The following ZBTB11 variants were observed in gnomAD, a reference collection of about 807,000 sequenced individuals.
The protein encoded by ZBTB11 is zinc finger and BTB domain containing 11.
ZBTB11 carries 68 observed loss-of-function variants against 113.1 expected under a neutral mutation model. The observed-to-expected ratio is 0.60, with a 90% CI of 0.49 to 0.74. The LOEUF is 0.74. Ranked by LOEUF, ZBTB11 falls within the 30% of genes least tolerant of loss-of-function variation. ZBTB11 has a pLI of 0.00. For synonymous variants in ZBTB11, 518 were observed against 452.6 expected (o/e 1.14, Z -1.83); for missense variants, 1,104 against 1,279.4 (o/e 0.86, Z 2.09).
chr3:101,652,890 G>A lies in ZBTB11; in HGVS notation c.2358C>T (p.Asn786=). The A allele has an allele frequency of 6.2e-7, 1 of 1,613,728 alleles. No homozygotes were observed. The part of the protein sequence containing the change: ...FEARDLRQHM[N]KHLGVKPFQC... ...GGAATGGCTTCACACCAAGATGTTT[G>A]TTCATGTGCTGGCGAAGATCTCTAG... The change falls in exon 9 of 11, where the codon AAC becomes AAT. Residue 786 remains asparagine, a synonymous_variant. Transcript: ENST00000312938.
intron 8 of ZBTB11, among the ~76,000 whole-genome samples, chr3:101,654,015 C>T (rs1936750948): frequency 6.6e-6 from 1 of 152,100 alleles, no homozygotes; most frequent in Non-Finnish European, 1.5e-5. Flanking sequence ...GCATGAGCCA[C>T]TGCGCCCACA....
chr3:101,670,879 A>C lies in ZBTB11; in HGVS notation c.778+251T>G, dbSNP rs1463899740. 7.2e-6 allele frequency: 3 copies of C among 415,946 alleles called. No homozygotes were observed. In the Admixed American group the frequency reaches 1.2e-4, roughly 16 times the overall value. 25.8% of individuals were successfully genotyped at this position (415,946 alleles called of 1,614,324 possible). ...GGATTTCACTCAAACTGTTTTTAAC[A>C]GTTTAAATCCTAGAAATTCTTTTTC... On this transcript the variant is annotated intron_variant, in intron 3 of 10. Transcript: ENST00000312938.
At position 101,662,344 on chromosome 3, in the gene ZBTB11, G is replaced by A. The variant is rs1170642907; in HGVS notation, c.1800+2194C>T. Among the ~76,000 whole-genome samples the A allele has an allele frequency of 1.1e-4, 16 of 152,234 alleles. No homozygotes were observed. The South Asian group carries it at 2.7e-3, about 26-fold the overall frequency. ...TGTGCCCTTTTAAAAACATAGTACC[G>A]CTGGGAGCAGTGGCTCATGCCTATA... On this transcript the variant is annotated intron_variant, in intron 5 of 10. Coordinates refer to ENST00000312938, the MANE Select transcript of ZBTB11 (RefSeq NM_014415.4).
chr3:101,658,077 C>A, intron 6 of ZBTB11, among the ~76,000 whole-genome samples: 1 of 152,088 alleles, frequency 6.6e-6, no homozygotes, highest in East Asian at 1.9e-4. Flanking sequence ...AAATATGAAA[C>A]CAGCCCAAAT....
At chr3:101,672,711 T>C (rs906283086) in intron 1 of ZBTB11, among the ~76,000 whole-genome samples, 11 of 152,346 alleles carry the variant, frequency 7.2e-5, no homozygotes, top group African/African-American at 2.6e-4. Context: ...ACCAAGACTC[T>C]GTCTCAAAAC....
At chr3:101,662,702 T>C (rs1471353421) in intron 5 of ZBTB11, among the ~76,000 whole-genome samples, 2 of 152,178 alleles carry the variant, frequency 1.3e-5, no homozygotes, top group African/African-American at 4.8e-5. Flanking sequence ...ATAAATCATA[T>C]GTTCTGAAGT....
At chr3:101,673,380 A>G (rs1668249444) in intron 1 of ZBTB11, among the ~76,000 whole-genome samples, 1 of 152,228 alleles carries the variant, frequency 6.6e-6, no homozygotes, top group East Asian at 1.9e-4. Flanking sequence ...ACGCTTGTCC[A>G]TTCCTAGGGC....
At chr3:101,674,090 C>CTT (rs1937123893) in intron 1 of ZBTB11, among the ~76,000 whole-genome samples, 1 of 148,104 alleles carries the variant, frequency 6.8e-6, no homozygotes. Flanking sequence ...GGCTCACACA[C>CTT]TTTGGGAGGC....
At chr3:101,653,004 AG>A in intron 8 of ZBTB11, 66 bp from the exon 9 acceptor site, 1 of 1,510,664 alleles carries the variant, frequency 6.6e-7, no homozygotes, top group Non-Finnish European at 8.9e-7. Context: ...CCAAGAACTC[AG>A]TAACTATTTT....
At chr3:101,654,682 G>T in intron 8 of ZBTB11, 22 bp downstream of exon 8, 1 of 1,555,878 alleles carries the variant, frequency 6.4e-7, no homozygotes, top group Non-Finnish European at 8.8e-7. Context: ...TTAACTGAAT[G>T]CCTCACATAT....
intron 7 of ZBTB11, among the ~76,000 whole-genome samples, chr3:101,655,501 T>A (rs1311397791): frequency 6.6e-6 from 1 of 152,212 alleles, no homozygotes; most frequent in Non-Finnish European, 1.5e-5. Context: ...TATGTTGACA[T>A]TATGTCTCCC....
rs1006362557 is a variant in ZBTB11, at chr3:101,665,284, A to G, written c.1303T>C (p.Ser435Pro). 16 of 1,614,204 alleles carry G rather than the reference A, an allele frequency of 9.9e-6. No individual in the cohort carries two copies. The highest frequency in any genetic ancestry group is 1.4e-5 in the Non-Finnish European group (16 of 1,180,042). ...TTTGAAAGTTTAGGGTGTATATTAGAAACTGTGTTATTTTCTCTGTTGTTT... is the reference window on the plus strand; with the variant it reads ...TTTGAAAGTTTAGGGTGTATATTAGGAACTGTGTTATTTTCTCTGTTGTTT... ...TSNNRENNTV[S>P]NIHPKLSKEN... The change falls in exon 4 of 11, where the codon TCT becomes CCT. Residue 435 changes from serine (S) to proline (P), a missense_variant. This residue lies in a region of ZBTB11 where 535 missense variants were observed against 518.6 expected (regional missense o/e 1.03). Transcript: ENST00000312938.
chr3:101,672,250 G>A, intron 1 of ZBTB11, 37 bp from the exon 2 acceptor site: 1 of 1,422,440 alleles, frequency 7.0e-7, no homozygotes, highest in Non-Finnish European at 9.7e-7. Context: ...ATTTAATACT[G>A]TTAACTGAAA....
Position 101,664,694 on chromosome 3 carries a change from T to C in ZBTB11, c.1644A>G (p.Gln548=), listed in dbSNP as rs137862549. ...TTGGCTGTTTCATCTTTTTTCCTCT[T>C]TGAACTAACTTCTGAGCCACCTAGT... ...AVQQVAQKLV[Q]RGKKMKQPKR... is the part of the protein sequence containing the mutation. The change falls in exon 5 of 11, where the codon CAA becomes CAG. Residue 548 remains glutamine (Q), a synonymous_variant. Transcript: ENST00000312938. The C allele has an allele frequency of 2.5e-6, 4 of 1,607,982 alleles. No homozygotes were observed. In the African/African-American group the frequency reaches 4.0e-5, roughly 16 times the overall value.
At position 101,650,957 on chromosome 3, in the gene ZBTB11, TA is replaced by T; in HGVS notation, c.*208del. The T allele has an allele frequency of 2.2e-6, 1 of 447,432 alleles. No homozygotes were observed. The highest frequency in any genetic ancestry group is 3.9e-6 in the Non-Finnish European group (1 of 257,294). The allele number at this position is 447,432 out of a possible 1,614,324, so 27.7% of individuals were successfully genotyped here. A position where few individuals can be genotyped will look rare whatever the true frequency, so the allele number is the denominator to read the frequency against. On this transcript the variant is annotated 3_prime_UTR_variant, in exon 11 of 11. Transcript: ENST00000312938. ...TGGTGCAAAAGCAATTGCACCAACCTAATAGATCTGTTTTCAATTTCTCTAC... is the reference window on the plus strand; with the variant it reads ...TGGTGCAAAAGCAATTGCACCAACCTATAGATCTGTTTTCAATTTCTCTAC...
At position 101,676,885 on chromosome 3, in the gene ZBTB11, G is replaced by C. The variant is rs1461632125; in HGVS notation, c.30C>G (p.Ile10Met). ...CGCGCTCGTTCGTCAGGTAACGCAGGATGGCCCGGTAGCTTTCCTCGCTTG... is the reference window on the plus strand; with the variant it reads ...CGCGCTCGTTCGTCAGGTAACGCAGCATGGCCCGGTAGCTTTCCTCGCTTG... MSSEESYRA[I>M]LRYLTNEREP... is the part of the protein sequence containing the mutation. Residue 10 changes from isoleucine (I) to methionine (M), a missense_variant, in exon 1 of 11, where the codon ATC becomes ATG. Ile to Met is a conservative substitution (Grantham distance 10, BLOSUM62 1). This residue lies in a region of ZBTB11 where 245 missense variants were observed against 272.5 expected (regional missense o/e 0.90). Coordinates refer to ENST00000312938, the MANE Select transcript of ZBTB11 (RefSeq NM_014415.4). The C allele has an allele frequency of 1.3e-6, 2 of 1,597,442 alleles. No individual in the cohort carries two copies. The highest frequency in any genetic ancestry group is 1.7e-6 in the Non-Finnish European group (2 of 1,169,998).
intron 10 of ZBTB11, among the ~76,000 whole-genome samples, chr3:101,652,187 G>C (rs953376910): frequency 1.3e-5 from 2 of 151,650 alleles, no homozygotes; most frequent in Admixed American, 1.3e-4. Flanking sequence ...ATCTTCCTGC[G>C]GACAGATGTG....
chr3:101,651,281 A>G lies in ZBTB11; in HGVS notation c.3047T>C (p.Ile1016Thr), dbSNP rs748112807. The G allele has an allele frequency of 6.2e-7, 1 of 1,614,220 alleles. No individual in the cohort carries two copies. The highest frequency in any genetic ancestry group is 8.5e-7 in the Non-Finnish European group (1 of 1,180,042). The change falls in exon 11 of 11, where the codon ATT becomes ACT. Residue 1016 changes from isoleucine (I) to threonine (T), a missense_variant. Ile to Thr is a moderately conservative substitution (Grantham distance 89). Around this residue, in one of 5 missense-constraint regions of ZBTB11, gnomAD observed 90 missense variants for 98.0 expected, o/e 0.92. Coordinates refer to ENST00000312938, the MANE Select transcript of ZBTB11 (RefSeq NM_014415.4). ...PSVSTLSDQS[I>T]MQVVNYVLAQ... ...TAATACATAATTAACCACTTGCATA[A>G]TACTTTGGTCAGAAAGTGTAGATAC...
At chr3:101,673,054 G>A (rs1406242688) in intron 1 of ZBTB11, among the ~76,000 whole-genome samples, 4 of 152,114 alleles carry the variant, frequency 2.6e-5, no homozygotes, top group Non-Finnish European at 5.9e-5. Flanking sequence ...AGATTTTAGG[G>A]TTGTGTGAAA....
Sources: allele counts gnomAD v4.1 joint callset (sites outside exome capture counted in the v4.1 genomes callset), GRCh38; gene constraint gnomAD v4.1.1; regional missense constraint gnomAD v4.1.1; transcripts MANE v1.5; gene names NCBI Gene and HGNC (gene_info 2026-07-23, HGNC 2026-07-21).